Variants in PIWIL2 observed in about 807,000 individuals in gnomAD.
The protein encoded by PIWIL2 is piwi like RNA-mediated gene silencing 2, also known as piwi-like protein 2.
A neutral mutation model predicts 116.5 loss-of-function variants in PIWIL2; 81 were observed. The observed-to-expected ratio is 0.70, with a 90% CI of 0.58 to 0.84. PIWIL2 has a LOEUF of 0.84. Ranked by LOEUF, PIWIL2 falls within the 40% of genes least tolerant of loss-of-function variation. PIWIL2 has a pLI of 0.00. For synonymous variants in PIWIL2, 489 were observed against 429.5 expected (o/e 1.14, Z -1.71); for missense variants, 1,272 against 1,212.3 (o/e 1.05, Z -0.73).
At position 22,355,459 on chromosome 8, in the gene PIWIL2, A is replaced by T; in HGVS notation, c.2876A>T (p.His959Leu). ...GCTTTCCTGTCAGGACACATCTTGC[A>T]TCATGAACCAGCCATCCAGCTGTGC... ...KLAFLSGHIL[H>L]HEPAIQLCEN... The change falls in exon 23 of 23, where the codon CAT becomes CTT. Residue 959 changes from histidine (H) to leucine (L), a missense_variant. His to Leu is a moderately conservative substitution (Grantham distance 99, BLOSUM62 -3). Transcript: ENST00000356766. 1 of 1,614,170 alleles carries T rather than the reference A, an allele frequency of 6.2e-7. No individual in the cohort carries two copies. The highest frequency in any genetic ancestry group is 8.5e-7 in the Non-Finnish European group (1 of 1,180,006).
intron 12 of PIWIL2, among the ~76,000 whole-genome samples, chr8:22,305,172 CATTTATTT>C (rs10669583): frequency 5.6e-4 from 81 of 143,936 alleles, no homozygotes; most frequent in Middle Eastern, 3.6e-3. Flanking sequence ...TATAGATATT[CATTTATTT>C]ATTTATTTAT....
At chr8:22,345,367 A>G (rs1382693096) in intron 20 of PIWIL2, among the ~76,000 whole-genome samples, 1 of 152,220 alleles carries the variant, frequency 6.6e-6, no homozygotes, top group African/African-American at 2.4e-5. Flanking sequence ...AGAAATTGAA[A>G]TAATACAAAT....
intron 20 of PIWIL2, among the ~76,000 whole-genome samples, chr8:22,348,444 C>T (rs1420308173): frequency 6.6e-6 from 1 of 152,166 alleles, no homozygotes. Context: ...CTGACCCTTG[C>T]CCCTCTGCGC....
intron 16 of PIWIL2, among the ~76,000 whole-genome samples, chr8:22,312,448 T>C (rs776790566): frequency 1.3e-5 from 2 of 151,940 alleles, no homozygotes; most frequent in Non-Finnish European, 1.5e-5. Flanking sequence ...AAAAAAATTA[T>C]AGAGGTAGGG....
chr8:22,313,261 T>G (rs962103949), intron 16 of PIWIL2, among the ~76,000 whole-genome samples: 1 of 152,130 alleles, frequency 6.6e-6, no homozygotes, highest in Admixed American at 6.6e-5. Flanking sequence ...AGGAGCCTGA[T>G]AAGGAGTATA....
At chr8:22,343,033 C>T (rs1371313997) in intron 20 of PIWIL2, among the ~76,000 whole-genome samples, 1 of 150,372 alleles carries the variant, frequency 6.7e-6, no homozygotes, top group East Asian at 2.0e-4. Flanking sequence ...CTCTGGGAGG[C>T]CAAAGCGGGC....
intron 16 of PIWIL2, among the ~76,000 whole-genome samples, chr8:22,311,957 A>AT (rs904608357): frequency 2.6e-5 from 4 of 151,702 alleles, no homozygotes; most frequent in South Asian, 2.1e-4. Context: ...CTTTTTTTAA[A>AT]TTTTTTTTTG....
intron 20 of PIWIL2, among the ~76,000 whole-genome samples, chr8:22,319,896 G>A (rs537637299): frequency 2.6e-5 from 4 of 152,210 alleles, no homozygotes; most frequent in Non-Finnish European, 4.4e-5. Context: ...GAGGGCAGTT[G>A]ATTCCACCTT....
chr8:22,335,433 A>G (rs946181001), intron 20 of PIWIL2, among the ~76,000 whole-genome samples: 4 of 134,544 alleles, frequency 3.0e-5, no homozygotes, highest in African/African-American at 8.2e-5. Flanking sequence ...GTGATCATAC[A>G]TAGCTCACTG....
intron 13 of PIWIL2, 34 bp downstream of exon 13, chr8:22,306,050 A>T: frequency 1.2e-5 from 17 of 1,439,052 alleles, no homozygotes; most frequent in Non-Finnish European, 1.6e-5. Flanking sequence ...GGAAATGCCC[A>T]CTTTGTGAGG....
chr8:22,312,434 A>T (rs3923432), intron 16 of PIWIL2, among the ~76,000 whole-genome samples: 9,261 of 148,604 alleles, frequency 0.062, 348 homozygotes, highest in Admixed American at 0.094. Context: ...CTGGCTAATT[A>T]AAAAAAAAAA....
intron 8 of PIWIL2, 109 bp from the exon 9 acceptor site, chr8:22,289,738 A>T: frequency 1.4e-6 from 1 of 690,282 alleles, no homozygotes; most frequent in South Asian, 1.8e-5. Flanking sequence ...TGCAAAGAGC[A>T]CAAACATTTC....
chr8:22,307,883 A>G (rs1219132391), intron 13 of PIWIL2, 50 bp from the exon 14 acceptor site: 1 of 1,460,412 alleles, frequency 6.8e-7, no homozygotes, highest in Non-Finnish European at 9.4e-7. Flanking sequence ...ATTTAACTTC[A>G]TATTGGTGAA....
intron 20 of PIWIL2, among the ~76,000 whole-genome samples, chr8:22,330,152 T>C (rs996145816): frequency 1.3e-5 from 2 of 152,168 alleles, no homozygotes; most frequent in Admixed American, 6.5e-5. Flanking sequence ...CTTTTTCTTA[T>C]ACTGGATATA....
chr8:22,287,584 T>A lies in PIWIL2; in HGVS notation c.800T>A (p.Val267Asp). 6.2e-7 allele frequency: 1 copy of A among 1,614,066 alleles called. No homozygotes were observed. The highest frequency in any genetic ancestry group is 8.5e-7 in the Non-Finnish European group (1 of 1,179,880). ...GGCATGTTGAAGGACCATCAAGCTGTCACCGGCAACGTCACTGCGTTTGAT... is the reference window on the plus strand; with the variant it reads ...GGCATGTTGAAGGACCATCAAGCTGACACCGGCAACGTCACTGCGTTTGAT... Reference protein sequence around the residue: ...RFGMLKDHQAVTGNVTAFDGS... With the variant: ...RFGMLKDHQADTGNVTAFDGS... Residue 267 changes from valine (V) to aspartate (D), a missense_variant, in exon 7 of 23, where the codon GTC (valine) becomes GAC (aspartate). Coordinates refer to ENST00000356766, the MANE Select transcript of PIWIL2 (RefSeq NM_018068.5).
intron 4 of PIWIL2, 128 bp from the exon 5 acceptor site, chr8:22,282,906 G>C (rs1830543573): frequency 1.4e-6 from 1 of 740,582 alleles, no homozygotes; most frequent in Admixed American, 2.1e-5. Context: ...TATGTAGTTT[G>C]AGAGAATTTG....
intron 20 of PIWIL2, among the ~76,000 whole-genome samples, chr8:22,343,447 A>T (rs1370560542): frequency 6.6e-6 from 1 of 152,030 alleles, no homozygotes; most frequent in Admixed American, 6.6e-5. Context: ...AAAAAAAAAA[A>T]ATTAGCTGGG....
At chr8:22,325,776 G>A (rs921092414) in intron 20 of PIWIL2, among the ~76,000 whole-genome samples, 11 of 151,936 alleles carry the variant, frequency 7.2e-5, no homozygotes, top group African/African-American at 1.9e-4. Flanking sequence ...GACCCATCGC[G>A]CCCAGCCTTG....
chr8:22,352,928 G>A, intron 20 of PIWIL2, 31 bp from the exon 21 acceptor site: 1 of 1,592,026 alleles, frequency 6.3e-7, no homozygotes, highest in Non-Finnish European at 8.6e-7. Flanking sequence ...TGAGGGCTCT[G>A]TGAGTCACCA....
Sources: gnomAD v4.1 joint callset for allele counts (sites outside exome capture counted in the v4.1 genomes callset) on GRCh38, gnomAD v4.1.1 for gene constraint, MANE v1.5 for transcripts, NCBI Gene and HGNC (gene_info 2026-07-23, HGNC 2026-07-21) for gene names.